The following BCAR3 variants were observed in gnomAD, a reference collection of about 807,000 sequenced individuals.
BCAR3 encodes breast cancer anti-estrogen resistance protein 3.
In BCAR3, 37 loss-of-function variants were observed where a neutral mutation model predicts 80.1. The observed-to-expected ratio is 0.46, with a 90% CI of 0.36 to 0.61. The LOEUF (loss-of-function observed/expected upper bound fraction) is 0.61. BCAR3 is among the 20% of genes least tolerant of loss of function. BCAR3 has a pLI of 0.00. For synonymous variants in BCAR3, 389 were observed against 418.9 expected, an observed-to-expected ratio of 0.93 and a Z score of 0.87; for missense variants, 978 against 1,068.2, an observed-to-expected ratio of 0.92 and a Z score of 1.18.
intron 9 of BCAR3, among the ~76,000 whole-genome samples, chr1:93,570,639 A>G (rs933199821): frequency 2.2e-4 from 34 of 152,232 alleles, no homozygotes; most frequent in Non-Finnish European, 1.5e-5. Context: ...GAACTTTTTA[A>G]TAGGACAGTC....
At chr1:93,818,882 A>G (rs1392006627) in intron 2 of BCAR3, among the ~76,000 whole-genome samples, 1 of 152,238 alleles carries the variant, frequency 6.6e-6, no homozygotes, top group Non-Finnish European at 1.5e-5. Context: ...TAAATGAGCA[A>G]ATGAGTGTAA....
rs373492812 is a variant in BCAR3, at chr1:93,732,687, C to T, written c.-62-26545G>A. 3.0e-4 allele frequency among the ~76,000 whole-genome samples: 45 copies of T among 152,170 alleles called. 3 individuals are homozygous for T. The highest frequency in any genetic ancestry group is 1.3e-3 in the Admixed American group (20 of 15,274). ...TCTGATTTGAAAGGACTGAGAAAAA[C>T]GACTTCAGCAGTTGCCTTGAGGCCC... On this transcript the variant is annotated intron_variant, in intron 2 of 13. Coordinates refer to the BCAR3 transcript ENST00000370244.
intron 2 of BCAR3, among the ~76,000 whole-genome samples, chr1:93,759,751 G>A (rs1030897424): frequency 1.3e-5 from 2 of 152,158 alleles, no homozygotes; most frequent in African/African-American, 4.8e-5. Context: ...ATAGCCTGAT[G>A]AGCTGCCATG....
At chr1:93,826,335 T>C (rs556576201) in intron 2 of BCAR3, among the ~76,000 whole-genome samples, 3 of 152,132 alleles carry the variant, frequency 2.0e-5, no homozygotes, top group African/African-American at 7.2e-5. Context: ...CCTCTTCACT[T>C]TACTCATTCC....
intron 2 of BCAR3, chr1:93,753,949 C>G (rs528442434): frequency 2.6e-5 from 4 of 152,454 alleles, no homozygotes; most frequent in African/African-American, 9.6e-5. Flanking sequence ...CTAAGATGCT[C>G]CTCCCAGGGA....
At chr1:93,747,191 G>A (rs1651388250) in intron 2 of BCAR3, among the ~76,000 whole-genome samples, 1 of 152,164 alleles carries the variant, frequency 6.6e-6, no homozygotes, top group African/African-American at 2.4e-5. Flanking sequence ...TGCAGCTAGG[G>A]TGCACACATG....
rs758648813 is a variant in BCAR3, at chr1:93,671,013, A to C, written c.317+3601T>G. On this transcript the variant is annotated intron_variant, in intron 2 of 11. Transcript: ENST00000260502. Reference sequence around the variant, plus strand: ...AAAGGTTATTATTATTATTTTTTGAAATGGAGTCTCACTCTGTCACCCAAG... The same window carrying C: ...AAAGGTTATTATTATTATTTTTTGACATGGAGTCTCACTCTGTCACCCAAG... 3.9e-5 allele frequency among the ~76,000 whole-genome samples: 6 copies of C among 151,944 alleles called. No individual in the cohort carries two copies. In the East Asian group the frequency reaches 9.7e-4, roughly 24 times the overall value.
At chr1:93,719,482 A>T (rs770679476) in intron 2 of BCAR3, among the ~76,000 whole-genome samples, 8 of 151,512 alleles carry the variant, frequency 5.3e-5, no homozygotes, top group Non-Finnish European at 1.0e-4. Flanking sequence ...CTGGGACTAC[A>T]GGCGCCCACC....
chr1:93,702,413 T>C (rs566858526), intron 3 of BCAR3, among the ~76,000 whole-genome samples: 1 of 152,270 alleles, frequency 6.6e-6, no homozygotes, highest in South Asian at 2.1e-4. Flanking sequence ...ACTTATCAGC[T>C]CAGGCCCAGG....
At chr1:93,658,275 T>G (rs1647486021) in intron 2 of BCAR3, among the ~76,000 whole-genome samples, 1 of 152,154 alleles carries the variant, frequency 6.6e-6, no homozygotes, top group Admixed American at 6.5e-5. Context: ...CTGGAGGTCT[T>G]AGCCAGTACA....
chr1:93,692,332 C>CT (rs1414209730), intron 3 of BCAR3, among the ~76,000 whole-genome samples: 1 of 152,140 alleles, frequency 6.6e-6, no homozygotes, highest in Non-Finnish European at 1.5e-5. Context: ...TTTGGAACTG[C>CT]TTTTAATGGT....
intron 3 of BCAR3, among the ~76,000 whole-genome samples, chr1:93,630,720 G>T (rs1358242515): frequency 6.6e-6 from 1 of 152,202 alleles, no homozygotes; most frequent in African/African-American, 2.4e-5. Flanking sequence ...CTTTTAGTAC[G>T]GATGTCAGGG....
rs1380946358 is a variant in BCAR3, at chr1:93,660,393, CTG to C, written c.317+14219_317+14220del. Among the ~76,000 whole-genome samples the C allele has an allele frequency of 2.6e-5, 4 of 152,272 alleles. No individual in the cohort carries two copies. In the East Asian group the frequency reaches 7.7e-4, roughly 29 times the overall value. The stretch of plus-strand genomic sequence containing the variant: ...CTGATCTTGTTGAAAATGAATCTCT[CTG>C]AACATGTTTAAAATACCAGGGAGAA... On this transcript the variant is annotated intron_variant, in intron 2 of 11. Coordinates refer to ENST00000260502, the MANE Select transcript of BCAR3 (RefSeq NM_003567.4).
intron 5 of BCAR3, among the ~76,000 whole-genome samples, chr1:93,585,706 T>C (rs1673915401): frequency 6.6e-6 from 1 of 152,158 alleles, no homozygotes; most frequent in African/African-American, 2.4e-5. Flanking sequence ...TTTCTAAATA[T>C]CAGGTCTTGC....
chr1:93,586,165 A>G lies in BCAR3; in HGVS notation c.930-2044T>C, dbSNP rs1387757043. 6.6e-6 allele frequency among the ~76,000 whole-genome samples: 1 copy of G among 152,072 alleles called. No homozygotes were observed. Among genetic ancestry groups the G allele is most frequent in the Non-Finnish European group, 1.5e-5 (1 of 68,012 alleles). On this transcript the variant is annotated intron_variant, in intron 5 of 11. Coordinates refer to ENST00000260502, the MANE Select transcript of BCAR3 (RefSeq NM_003567.4). The surrounding 1 kb of genome is among the most constrained non-coding windows in gnomAD (Gnocchi z 4.2). ...CATTCTTTCTAAATTTTTTGTACCCATTAACCATCCCCACCTCCCTCCCAT... is the reference window on the plus strand; with the variant it reads ...CATTCTTTCTAAATTTTTTGTACCCGTTAACCATCCCCACCTCCCTCCCAT...
At chr1:93,684,443 G>T (rs1382001169), upstream of BCAR3, among the ~76,000 whole-genome samples, 1 of 152,132 alleles carries the variant, frequency 6.6e-6, no homozygotes, top group Non-Finnish European at 1.5e-5. Flanking sequence ...CCACCTCACA[G>T]GTTTCCATGA....
At chr1:93,778,834 T>C (rs1652663060) in intron 2 of BCAR3, among the ~76,000 whole-genome samples, 1 of 152,240 alleles carries the variant, frequency 6.6e-6, no homozygotes, top group African/African-American at 2.4e-5. Flanking sequence ...ACCTCCCCTG[T>C]TGTGGTTCTC....
intron 2 of BCAR3, among the ~76,000 whole-genome samples, chr1:93,665,875 C>T (rs1647883097): frequency 6.6e-6 from 1 of 152,164 alleles, no homozygotes; most frequent in African/African-American, 2.4e-5. Context: ...TGCCCTATCC[C>T]ATATACCCAG....
intron 2 of BCAR3, chr1:93,723,463 C>A (rs953134345): frequency 1.3e-5 from 2 of 152,566 alleles, no homozygotes; most frequent in African/African-American, 2.4e-5. Context: ...CCCTCTCAAC[C>A]TTCAGCATCC....
Sources: allele counts gnomAD v4.1 joint callset (sites outside exome capture counted in the v4.1 genomes callset), GRCh38; gene constraint gnomAD v4.1.1; non-coding constraint Gnocchi (gnomAD v3.1); transcripts MANE v1.5; gene names NCBI Gene and HGNC (gene_info 2026-07-23, HGNC 2026-07-21).